The following ALKAL2 variants were observed in gnomAD, a reference collection of about 807,000 sequenced individuals.
ALKAL2 encodes ALK and LTK ligand 2.
ALKAL2 carries 8 observed loss-of-function variants against 18.5 expected under a neutral mutation model. That is an observed-to-expected ratio of 0.43 (90% CI 0.25 to 0.78). ALKAL2 has a LOEUF of 0.78. ALKAL2 is among the 30% of genes least tolerant of loss of function. ALKAL2 has a pLI of 0.22. For missense variants in ALKAL2, 241 were observed against 211.2 expected (o/e 1.14, Z -0.88); for synonymous variants, 135 against 95.8 (o/e 1.41, Z -2.39).
intron 5 of ALKAL2, among the ~76,000 whole-genome samples, chr2:281,142 T>A (rs997361824): frequency 2.0e-5 from 3 of 152,258 alleles, no homozygotes; most frequent in Admixed American, 2.0e-4. Flanking sequence ...AGTAAGAGTT[T>A]GCTGTTGCTG....
intron 4 of ALKAL2, chr2:283,388 C>A: frequency 8.1e-6 from 8 of 985,376 alleles, no homozygotes; most frequent in Non-Finnish European, 7.2e-6. Flanking sequence ...TGGCAGAAGT[C>A]GGATGATGTA....
intron 4 of ALKAL2, 129 bp from the exon 5 acceptor site, chr2:283,304 G>A: frequency 6.9e-7 from 1 of 1,458,372 alleles, no homozygotes; most frequent in Non-Finnish European, 9.1e-7. Flanking sequence ...AAGCAATACG[G>A]AGTCTAATCT....
intron 4 of ALKAL2, among the ~76,000 whole-genome samples, chr2:284,865 C>T (rs1048327946): frequency 6.6e-6 from 1 of 152,032 alleles, no homozygotes; most frequent in African/African-American, 2.4e-5. Context: ...ACAATACAAA[C>T]GACAAGATTT....
intron 2 of ALKAL2, 26 bp from the exon 3 acceptor site, chr2:286,369 T>C (rs1670509208): frequency 1.3e-6 from 2 of 1,564,138 alleles, no homozygotes; most frequent in South Asian, 1.2e-5. Context: ...GAAAGTATTA[T>C]ATTACCTGAA....
chr2:283,570 G>C (rs917630334), intron 4 of ALKAL2: 1 of 985,260 alleles, frequency 1.0e-6, no homozygotes, highest in African/African-American at 1.7e-5. Flanking sequence ...GTTGACCATG[G>C]GACAAAGCCT....
chr2:283,647 G>T, intron 4 of ALKAL2: 2 of 961,612 alleles, frequency 2.1e-6, no homozygotes, highest in Non-Finnish European at 2.5e-6. Flanking sequence ...TGGAGTGGAT[G>T]GCGAGCGGAA....
At chr2:284,670 A>G (rs1172777218) in intron 4 of ALKAL2, among the ~76,000 whole-genome samples, 1 of 152,200 alleles carries the variant, frequency 6.6e-6, no homozygotes, top group Admixed American at 6.5e-5. Context: ...TGCCTTGGAA[A>G]AAGGCCTGCA....
rs771548762 is a variant in ALKAL2, at chr2:283,104, A to G, written c.453+7T>C. On this transcript the variant is annotated splice_region_variant and intron_variant, in intron 5 of 5. Coordinates refer to ENST00000403610, the MANE Select transcript of ALKAL2 (RefSeq NM_001002919.3). ...ATGTGCTCCAGTGTGTGTCTGTCCA[A>G]GCTTACCTTATCCTCCATGCACACT... is the stretch of plus-strand genomic sequence containing the variant. The G allele has an allele frequency of 1.5e-4, 234 of 1,610,580 alleles. No individual in the cohort carries two copies. The highest frequency in any genetic ancestry group is 1.9e-4 in the Non-Finnish European group (229 of 1,178,548).
At chr2:282,612 T>A (rs372084717) in intron 5 of ALKAL2, among the ~76,000 whole-genome samples, 82 of 152,324 alleles carry the variant, frequency 5.4e-4, no homozygotes, top group African/African-American at 1.9e-3. Context: ...GCATTTACAT[T>A]TTTACTATTA....
intron 4 of ALKAL2, 102 bp from the exon 5 acceptor site, chr2:283,277 A>T: frequency 1.3e-6 from 2 of 1,505,228 alleles, no homozygotes; most frequent in Non-Finnish European, 1.8e-6. Flanking sequence ...ATTTCTTCAA[A>T]TATCTGAATT....
intron 4 of ALKAL2, among the ~76,000 whole-genome samples, chr2:284,456 T>C (rs1670441535): frequency 6.6e-6 from 1 of 152,064 alleles, no homozygotes; most frequent in African/African-American, 2.4e-5. Flanking sequence ...CCTGACGCAG[T>C]AAAAAAGTGG....
intron 5 of ALKAL2, 112 bp downstream of exon 5, chr2:282,999 A>G (rs1670400866): frequency 1.8e-6 from 2 of 1,117,596 alleles, no homozygotes; most frequent in East Asian, 2.6e-5. Flanking sequence ...TACTTAGAAT[A>G]TGGCTACTTC....
intron 4 of ALKAL2, among the ~76,000 whole-genome samples, chr2:283,770 G>A (rs1174405429): frequency 2.0e-5 from 3 of 152,178 alleles, no homozygotes; most frequent in Non-Finnish European, 4.4e-5. Context: ...TAATGGGCAT[G>A]GCCATAAGGG....
At chr2:283,961 G>C (rs1056699810) in intron 4 of ALKAL2, among the ~76,000 whole-genome samples, 2 of 152,244 alleles carry the variant, frequency 1.3e-5, no homozygotes, top group Non-Finnish European at 1.5e-5. Flanking sequence ...TAAGGAGCCA[G>C]CTCTACTTCC....
chr2:286,353 G>A lies in ALKAL2; in HGVS notation c.254-10C>T, dbSNP rs768535268. 14 of 1,602,816 alleles carry A rather than the reference G, an allele frequency of 8.7e-6. No homozygotes were observed. The East Asian group carries it at 3.1e-4, about 36-fold the overall frequency. On this transcript the variant is annotated splice_polypyrimidine_tract_variant and intron_variant, in intron 2 of 5. Coordinates refer to ENST00000403610, the MANE Select transcript of ALKAL2 (RefSeq NM_001002919.3). ...TCTCGAGGAACAATTTCTGTTTCAG[G>A]GAAAAGAAAGTATTATATTACCTGA... is the stretch of plus-strand genomic sequence containing the variant.
intron 5 of ALKAL2, 22 bp from the exon 6 acceptor site, chr2:280,174 G>GT: frequency 6.2e-7 from 1 of 1,613,838 alleles, no homozygotes; most frequent in Non-Finnish European, 8.5e-7. Flanking sequence ...TACATTGCGT[G>GT]TGATATGACT....
Position 286,175 on chromosome 2 carries a change from G to C in ALKAL2, c.336C>G (p.Ser112Arg). The C allele has an allele frequency of 6.2e-7, 1 of 1,613,910 alleles. No homozygotes were observed. Among genetic ancestry groups the C allele is most frequent in the Non-Finnish European group, 8.5e-7 (1 of 1,179,828 alleles). Residue 112 changes from serine (S) to arginine (R), a missense_variant, in exon 4 of 6, where the codon AGC becomes AGG. Physicochemically the swap from Ser to Arg is moderately radical, Grantham distance 110. Transcript: ENST00000403610. ...TGTGATAAAGTCTATGGAAGTGTTT[G>C]CTGCACTTTGGACTAAAATAAAGAG... ...TGPLYFSPKC[S>R]KHFHRLYHNT... is the part of the protein sequence containing the mutation.
In ALKAL2 at chr2:279,736, T is replaced by G. The variant is rs1351616424; in HGVS notation, c.*411A>C. The G allele has an allele frequency of 1.1e-5, 2 of 174,278 alleles. No homozygotes were observed. Among genetic ancestry groups the G allele is most frequent in the African/African-American group, 4.7e-5 (2 of 42,404 alleles). The allele number at this position is 174,278 out of a possible 1,614,324, so 10.8% of individuals were successfully genotyped here. A position where few individuals can be genotyped will look rare whatever the true frequency, so the allele number is the denominator to read the frequency against. ...TTTTAATTTTTCATGCCGTTCCAAA[T>G]AATACTCTGAGAATTTAACAGTGAA... On this transcript the variant is annotated 3_prime_UTR_variant, in exon 6 of 6. Coordinates refer to ENST00000403610, the MANE Select transcript of ALKAL2 (RefSeq NM_001002919.3).
intron 5 of ALKAL2, among the ~76,000 whole-genome samples, chr2:282,146 G>A (rs1321542304): frequency 6.6e-6 from 1 of 152,148 alleles, no homozygotes; most frequent in African/African-American, 2.4e-5. Flanking sequence ...GGCAGGACCC[G>A]CCATGCCTCC....
Sources: gnomAD v4.1 joint callset for allele counts (sites outside exome capture counted in the v4.1 genomes callset) on GRCh38, gnomAD v4.1.1 for gene constraint, MANE v1.5 for transcripts, NCBI Gene and HGNC (gene_info 2026-07-23, HGNC 2026-07-21) for gene names.